Variants in PTCD2 observed in about 807,000 individuals in gnomAD.
PTCD2 encodes the protein pentatricopeptide repeat-containing protein 2, mitochondrial.
PTCD2 carries 31 observed loss-of-function variants against 42.6 expected under a neutral mutation model. That is an observed-to-expected ratio of 0.73 (90% confidence interval 0.55 to 0.98). The LOEUF is 0.98. Ranked by LOEUF, PTCD2 falls within the 50% of genes least tolerant of loss-of-function variation. The pLI, the probability that PTCD2 is intolerant of heterozygous loss-of-function variation, is 0.00. For synonymous variants in PTCD2, 183 were observed against 170.9 expected (o/e 1.07, Z -0.55); for missense variants, 476 against 454.8 (o/e 1.05, Z -0.42).
chr5:72,327,049 C>T (rs1315598719), intron 3 of PTCD2, among the ~76,000 whole-genome samples: 1 of 152,176 alleles, frequency 6.6e-6, no homozygotes, highest in East Asian at 1.9e-4. Context: ...ATTCACTCCT[C>T]TTCTTCTGTT....
Position 72,362,102 on chromosome 5 carries a change from G to A in PTCD2, c.*3675G>A, listed in dbSNP as rs1455093074. On this transcript the variant is annotated 3_prime_UTR_variant, in exon 10 of 10. Transcript: ENST00000380639. ...TTTAACTATATTGTATAACAATGTTGGTGGTCATATTGGTCCCCCATGGAC... is the reference window on the plus strand; with the variant it reads ...TTTAACTATATTGTATAACAATGTTAGTGGTCATATTGGTCCCCCATGGAC... 6.6e-6 allele frequency: 1 copy of A among 152,166 alleles called. No homozygotes were observed. Among genetic ancestry groups the A allele is most frequent in the Non-Finnish European group, 1.5e-5 (1 of 68,070 alleles). 9.4% of individuals were successfully genotyped at this position (152,166 alleles called of 1,614,324 possible).
chr5:72,343,556 C>T (rs1752185753), intron 8 of PTCD2, among the ~76,000 whole-genome samples: 2 of 152,164 alleles, frequency 1.3e-5, no homozygotes, highest in South Asian at 2.1e-4. Flanking sequence ...GCCAGTATGC[C>T]CATGGTCCTC....
intron 8 of PTCD2, among the ~76,000 whole-genome samples, chr5:72,347,476 A>G (rs1752415465): frequency 6.6e-6 from 1 of 152,316 alleles, no homozygotes; most frequent in Non-Finnish European, 1.5e-5. Context: ...ATTTGAAGTC[A>G]GGAGTTCAAG....
rs1363943584 is a variant in PTCD2 at position 72,366,951 on chromosome 5, G to A, written c.*8524G>A. 4 of 152,326 alleles carry A rather than the reference G, an allele frequency of 2.6e-5. No individual in the cohort carries two copies. Among genetic ancestry groups the A allele is most frequent in the African/African-American group, 9.6e-5 (4 of 41,574 alleles). 9.4% of individuals were successfully genotyped at this position (152,326 alleles called of 1,614,324 possible). A position where few individuals can be genotyped will look rare whatever the true frequency, so the allele number is the denominator to read the frequency against. On this transcript the variant is annotated 3_prime_UTR_variant, in exon 10 of 10. Transcript: ENST00000380639. ...AAGGGTTTCCTCCCAAATTGAGAAG[G>A]AAAATCCCCCCAATTAACTGTTTGC...
intron 2 of PTCD2, among the ~76,000 whole-genome samples, chr5:72,323,617 G>A (rs963474152): frequency 1.3e-5 from 2 of 151,718 alleles, no homozygotes; most frequent in African/African-American, 4.8e-5. Flanking sequence ...CCAGATGTTT[G>A]TGAGCTCCTG....
At chr5:72,321,326 A>G (rs1750833050) in intron 1 of PTCD2, 1 of 152,232 alleles carries the variant, frequency 6.6e-6, no homozygotes. Flanking sequence ...TCTAGACAAC[A>G]CCCAGCAAGA....
In PTCD2 at chr5:72,335,899, C is replaced by G. The variant is rs1241375594; in HGVS notation, c.639+14C>G. ...TGCTACAAACTGGTAAGACTCTTTC[C>G]TCTTAACTTTGAGAGCATTGTGTGT... is the stretch of plus-strand genomic sequence containing the variant. On this transcript the variant is annotated intron_variant, in intron 6 of 9. Coordinates refer to ENST00000380639, the MANE Select transcript of PTCD2 (RefSeq NM_024754.5). 6.5e-7 allele frequency: 1 copy of G among 1,530,864 alleles called. No individual in the cohort carries two copies. Among genetic ancestry groups the G allele is most frequent in the Non-Finnish European group, 9.1e-7 (1 of 1,104,606 alleles). 94.8% of individuals were successfully genotyped at this position (1,530,864 alleles called of 1,614,324 possible). A position where few individuals can be genotyped will look rare whatever the true frequency, so the allele number is the denominator to read the frequency against.
intron 7 of PTCD2, among the ~76,000 whole-genome samples, chr5:72,341,621 G>A (rs968080733): frequency 3.9e-5 from 6 of 152,078 alleles, no homozygotes; most frequent in African/African-American, 1.2e-4. Context: ...GTACATGCCT[G>A]TAGTCCTTGC....
rs1015213907 is a variant in PTCD2 at position 72,365,857 on chromosome 5, C to T, written c.*7430C>T. The T allele has an allele frequency of 6.6e-6, 1 of 152,088 alleles. No homozygotes were observed. Among genetic ancestry groups the T allele is most frequent in the Admixed American group, 6.5e-5 (1 of 15,270 alleles). The allele number at this position is 152,088 out of a possible 1,614,324, so 9.4% of individuals were successfully genotyped here. A position where few individuals can be genotyped will look rare whatever the true frequency, so the allele number is the denominator to read the frequency against. Reference sequence around the variant, plus strand: ...TAGGTGATACAGAATTCAACAAAAACGGGGCTTATAAAAAGCCAGGGTTCA... The same window carrying T: ...TAGGTGATACAGAATTCAACAAAAATGGGGCTTATAAAAAGCCAGGGTTCA... On this transcript the variant is annotated 3_prime_UTR_variant, in exon 10 of 10. Transcript: ENST00000380639.
chr5:72,345,357 G>A (rs1752305608), intron 8 of PTCD2, among the ~76,000 whole-genome samples: 1 of 152,108 alleles, frequency 6.6e-6, no homozygotes. Flanking sequence ...TTTTCAAGGT[G>A]CCCACATTTC....
intron 9 of PTCD2, among the ~76,000 whole-genome samples, chr5:72,353,193 A>G (rs1187386611): frequency 1.3e-5 from 2 of 152,192 alleles, no homozygotes; most frequent in African/African-American, 4.8e-5. Context: ...CTATATACCC[A>G]TGATGACTGG....
chr5:72,349,017 G>C (rs977265989), intron 8 of PTCD2, among the ~76,000 whole-genome samples: 1 of 152,202 alleles, frequency 6.6e-6, no homozygotes, highest in African/African-American at 2.4e-5. Context: ...AATTGCATTT[G>C]TTTGGGAGCA....
chr5:72,323,023 G>T (rs531892208), intron 2 of PTCD2, among the ~76,000 whole-genome samples: 1 of 152,146 alleles, frequency 6.6e-6, no homozygotes, highest in African/African-American at 2.4e-5. Context: ...GGTGGTGCAT[G>T]CCTGTAGTCA....
chr5:72,331,719 C>T (rs1751448643), intron 4 of PTCD2, among the ~76,000 whole-genome samples: 1 of 152,144 alleles, frequency 6.6e-6, no homozygotes, highest in Non-Finnish European at 1.5e-5. Flanking sequence ...CCTGTATTCC[C>T]TCTCGATTTT....
chr5:72,341,919 C>T (rs952550621), intron 7 of PTCD2, among the ~76,000 whole-genome samples: 1 of 151,846 alleles, frequency 6.6e-6, no homozygotes, highest in African/African-American at 2.4e-5. Context: ...GTGGCGGGCT[C>T]CTGTAGTCCC....
intron 1 of PTCD2, among the ~76,000 whole-genome samples, chr5:72,321,851 C>T (rs991809281): frequency 3.4e-4 from 51 of 152,218 alleles, no homozygotes; most frequent in African/African-American, 1.1e-3. Context: ...TACCCTTAAC[C>T]GATGGCAAAT....
At chr5:72,357,815 C>G (rs905776730) in intron 9 of PTCD2, among the ~76,000 whole-genome samples, 5 of 151,032 alleles carry the variant, frequency 3.3e-5, no homozygotes, top group African/African-American at 1.2e-4. Flanking sequence ...GCCCCAGTAC[C>G]CTGGTTTTCA....
rs1462958154 is a variant in PTCD2, at chr5:72,358,395, C to T, written c.1135C>T (p.Gln379Ter). Residue 379 changes from glutamine (Q) to a stop codon, truncating the protein, a stop_gained, in exon 10 of 10, where the codon CAG becomes TAG. Transcript: ENST00000380639. LOFTEE classifies it high-confidence loss of function. ...GAGGATGGTCAGCCGTCGCACCTTC[C>T]AGCCACTCAGCCAGTCCCTGTTGGC... ...NKRMVSRRTF[Q>*]PLSQSLLAE 1 of 1,613,516 alleles carries T rather than the reference C, an allele frequency of 6.2e-7. No individual in the cohort carries two copies. The highest frequency in any genetic ancestry group is 8.5e-7 in the Non-Finnish European group (1 of 1,179,930).
intron 9 of PTCD2, among the ~76,000 whole-genome samples, chr5:72,354,053 G>A (rs1752746260): frequency 6.6e-6 from 1 of 152,060 alleles, no homozygotes; most frequent in East Asian, 1.9e-4. Flanking sequence ...AAAGTCAAGA[G>A]GTAAGTAATC....
Sources: gnomAD v4.1 joint callset for allele counts (sites outside exome capture counted in the v4.1 genomes callset) on GRCh38, gnomAD v4.1.1 for gene constraint, MANE v1.5 for transcripts, NCBI Gene and HGNC (gene_info 2026-07-23, HGNC 2026-07-21) for gene names.